MEA1: variants seen among roughly 807,000 people sequenced by gnomAD.
MEA1 encodes male-enhanced antigen 1.
In MEA1, 22 loss-of-function variants were observed where a neutral mutation model predicts 21.4. That is an observed-to-expected ratio of 1.03 (90% CI 0.73 to 1.47). The LOEUF is 1.47. Ranked by LOEUF, MEA1 falls within the 40% of genes most tolerant of loss-of-function variation. MEA1 has a pLI of 0.00. For missense variants in MEA1, 233 were observed against 230.5 expected (o/e 1.01, Z -0.07); for synonymous variants, 91 against 85.5 (o/e 1.06, Z -0.35).
intron 3 of MEA1, 147 bp from the exon 4 acceptor site, chr6:43,012,768 C>A: frequency 8.1e-7 from 1 of 1,230,898 alleles, no homozygotes; most frequent in South Asian, 1.4e-5. Flanking sequence ...ATCCCCAAAG[C>A]TAGCAAAAGA....
Position 43,012,164 on chromosome 6 carries a change from C to A in MEA1, c.*306G>T. 2 of 1,080,700 alleles carry A rather than the reference C, an allele frequency of 1.9e-6. No individual in the cohort carries two copies. The highest frequency in any genetic ancestry group is 4.3e-5 in the South Asian group (1 of 23,084). The allele number at this position is 1,080,700 out of a possible 1,614,324, so 66.9% of individuals were successfully genotyped here. A position where few individuals can be genotyped will look rare whatever the true frequency, so the allele number is the denominator to read the frequency against. On this transcript the variant is annotated 3_prime_UTR_variant, in exon 4 of 4. Transcript: ENST00000244711. The stretch of plus-strand genomic sequence containing the variant: ...GGCCTTCTCTTGTCCCTTATAGGTA[C>A]CTTGGAGGGGCCAGGGGCTGAGGAA...
chr6:43,013,879 G>C lies in MEA1; in HGVS notation c.-66C>G. 3 of 1,513,052 alleles carry C rather than the reference G, an allele frequency of 2.0e-6. No individual in the cohort carries two copies. The highest frequency in any genetic ancestry group is 2.5e-5 in the South Asian group (2 of 78,908). The allele number at this position is 1,513,052 out of a possible 1,614,324, so 93.7% of individuals were successfully genotyped here. ...CGCCCCCATCCGAATCCCGGCGCCG[G>C]TGTTCCCGCGCGCCTCACCCGCTCA... On this transcript the variant is annotated 5_prime_UTR_variant, in exon 1 of 4. Transcript: ENST00000244711.
chr6:43,012,747 C>T (rs1762415975), intron 3 of MEA1, 126 bp from the exon 4 acceptor site: 3 of 1,272,804 alleles, frequency 2.4e-6, no homozygotes, highest in Non-Finnish European at 3.3e-6. Context: ...TACTTTAAGG[C>T]AAGCCTGCCC....
upstream of MEA1, chr6:43,014,290 G>A: frequency 4.1e-6 from 3 of 738,408 alleles, no homozygotes; most frequent in East Asian, 2.7e-5. Flanking sequence ...GGCGCGCAAC[G>A]GGTTCTAGGC....
In MEA1 at chr6:43,012,369, G is replaced by A. The variant is rs1383133769; in HGVS notation, c.*101C>T. 6.7e-7 allele frequency: 1 copy of A among 1,490,704 alleles called. No individual in the cohort carries two copies. Among genetic ancestry groups the A allele is most frequent in the Non-Finnish European group, 8.9e-7 (1 of 1,119,354 alleles). The allele number at this position is 1,490,704 out of a possible 1,614,324, so 92.3% of individuals were successfully genotyped here. ...TCTGATGTGCCTTGATGTGGAAAGG[G>A]AGACGGGGAAGATGGAAATGGACAT... On this transcript the variant is annotated 3_prime_UTR_variant, in exon 4 of 4. Transcript: ENST00000244711.
Position 43,011,561 on chromosome 6 carries a change from T to C in MEA1, c.*909A>G. ...GGGATGCCTGTCCCCTACCTGCTCCTCACCCACAGCTACCTGAGGCTGCTC... is the reference window on the plus strand; with the variant it reads ...GGGATGCCTGTCCCCTACCTGCTCCCCACCCACAGCTACCTGAGGCTGCTC... On this transcript the variant is annotated 3_prime_UTR_variant, in exon 4 of 4. Transcript: ENST00000244711. The C allele has an allele frequency of 2.0e-6, 1 of 510,214 alleles. No homozygotes were observed. Among genetic ancestry groups the C allele is most frequent in the East Asian group, 3.5e-5 (1 of 28,838 alleles). The allele number at this position is 510,214 out of a possible 1,614,324, so 31.6% of individuals were successfully genotyped here. A position where few individuals can be genotyped will look rare whatever the true frequency, so the allele number is the denominator to read the frequency against.
At chr6:43,014,206 C>G (rs892600646), upstream of MEA1, 5 of 1,312,338 alleles carry the variant, frequency 3.8e-6, no homozygotes, top group Non-Finnish European at 5.0e-6. Context: ...TACGACTGCA[C>G]GTGCGCGCAC....
intron 3 of MEA1, 74 bp from the exon 4 acceptor site, chr6:43,012,695 C>G: frequency 2.7e-6 from 4 of 1,501,714 alleles, no homozygotes; most frequent in Non-Finnish European, 3.6e-6. Flanking sequence ...CCCGAATCAA[C>G]CCAGAGCCCT....
chr6:43,015,352 C>T (rs1412831179), upstream of MEA1, among the ~76,000 whole-genome samples: 1 of 152,156 alleles, frequency 6.6e-6, no homozygotes, highest in African/African-American at 2.4e-5. Flanking sequence ...TGCAAGGGGC[C>T]TCCCTTATTT....
At position 43,012,353 on chromosome 6, in the gene MEA1, C is replaced by T. The variant is rs751493559; in HGVS notation, c.*117G>A. ...GTGGGTCTCTGAGAAGTCTGATGTGCCTTGATGTGGAAAGGGAGACGGGGA... is the reference window on the plus strand; with the variant it reads ...GTGGGTCTCTGAGAAGTCTGATGTGTCTTGATGTGGAAAGGGAGACGGGGA... On this transcript the variant is annotated 3_prime_UTR_variant, in exon 4 of 4. Transcript: ENST00000244711. 44 of 1,485,818 alleles carry T rather than the reference C, an allele frequency of 3.0e-5. No homozygotes were observed. Among genetic ancestry groups the T allele is most frequent in the Non-Finnish European group, 3.8e-5 (42 of 1,117,872 alleles). 92.0% of individuals were successfully genotyped at this position (1,485,818 alleles called of 1,614,324 possible).
upstream of MEA1, among the ~76,000 whole-genome samples, chr6:43,016,203 G>A (rs1762568522): frequency 6.6e-6 from 1 of 152,086 alleles, no homozygotes; most frequent in Non-Finnish European, 1.5e-5. Flanking sequence ...AGGGTGCTGG[G>A]ATTACAGGTG....
upstream of MEA1, among the ~76,000 whole-genome samples, chr6:43,015,377 C>T (rs112829531): frequency 0.011 from 1,722 of 152,268 alleles, 34 homozygotes; most frequent in African/African-American, 0.039. Context: ...TGTTTTAGTG[C>T]CTGAGGTTTT....
chr6:43,011,652 G>T lies in MEA1; in HGVS notation c.*818C>A. 4.0e-6 allele frequency: 1 copy of T among 250,960 alleles called. No individual in the cohort carries two copies. The highest frequency in any genetic ancestry group is 1.0e-4 in the East Asian group (1 of 9,860). The allele number at this position is 250,960 out of a possible 1,614,324, so 15.5% of individuals were successfully genotyped here. A position where few individuals can be genotyped will look rare whatever the true frequency, so the allele number is the denominator to read the frequency against. ...CCCTTCATCCTCATTTGAACGCCAG[G>T]TATCTCCCCTCCTCTCTCTCCCCTG... On this transcript the variant is annotated 3_prime_UTR_variant, in exon 4 of 4. Transcript: ENST00000244711.
At chr6:43,012,801 T>C in intron 3 of MEA1, 125 bp downstream of exon 3, 2 of 1,249,074 alleles carry the variant, frequency 1.6e-6, no homozygotes, top group Non-Finnish European at 2.3e-6. Context: ...GACTCTGAAG[T>C]CTACAAAATC....
At chr6:43,015,552 T>G (rs535879018), upstream of MEA1, among the ~76,000 whole-genome samples, 8 of 152,114 alleles carry the variant, frequency 5.3e-5, no homozygotes, top group East Asian at 1.4e-3. Context: ...CAGGTTGTGT[T>G]TAAGAGACCA....
intron 1 of MEA1, 182 bp from the exon 2 acceptor site, chr6:43,013,571 T>C: frequency 1.2e-6 from 1 of 840,580 alleles, no homozygotes; most frequent in Non-Finnish European, 1.8e-6. Context: ...GTCGGGGTTC[T>C]TATCTTGAAC....
At position 43,013,132 on chromosome 6, in the gene MEA1, T is replaced by G; in HGVS notation, c.286A>C (p.Ile96Leu). Residue 96 changes from isoleucine (I) to leucine (L), a missense_variant, in exon 2 of 4, where the codon ATC becomes CTC. Physicochemically the swap from Ile to Leu is conservative, Grantham distance 5. Coordinates refer to ENST00000244711, the MANE Select transcript of MEA1 (RefSeq NM_014623.4). ...PVGDGDVVAD[I>L]QDRIQALGLH... Reference sequence around the variant, plus strand: ...CACCCTACCTGGATTCGATCCTGGATGTCAGCAACTACATCTCCATCCCCC... The same window carrying G: ...CACCCTACCTGGATTCGATCCTGGAGGTCAGCAACTACATCTCCATCCCCC... The G allele has an allele frequency of 6.2e-7, 1 of 1,614,092 alleles. No individual in the cohort carries two copies. Among genetic ancestry groups the G allele is most frequent in the East Asian group, 2.2e-5 (1 of 44,882 alleles).
Position 43,013,133 on chromosome 6 carries a change from G to A in MEA1, c.285C>T (p.Asp95=), listed in dbSNP as rs1306846630. ...APVGDGDVVA[D]IQDRIQALGL... is the part of the protein sequence containing the mutation. ...ACCCTACCTGGATTCGATCCTGGAT[G>A]TCAGCAACTACATCTCCATCCCCCA... The change falls in exon 2 of 4, where the codon GAC becomes GAT. Residue 95 remains aspartate (D), a synonymous_variant. Coordinates refer to ENST00000244711, the MANE Select transcript of MEA1 (RefSeq NM_014623.4). 3 of 1,614,010 alleles carry A rather than the reference G, an allele frequency of 1.9e-6. No individual in the cohort carries two copies.
chr6:43,016,004 C>T (rs1284078271), upstream of MEA1, among the ~76,000 whole-genome samples: 3 of 150,674 alleles, frequency 2.0e-5, no homozygotes, highest in East Asian at 3.9e-4. Context: ...GGTGTGATCT[C>T]GGCTCACTCC....
Sources: gnomAD v4.1 joint callset for allele counts (sites outside exome capture counted in the v4.1 genomes callset) on GRCh38, gnomAD v4.1.1 for gene constraint, MANE v1.5 for transcripts, NCBI Gene and HGNC (gene_info 2026-07-23, HGNC 2026-07-21) for gene names.